Variants in ETV1 observed in about 807,000 individuals in gnomAD.
The protein encoded by ETV1 is ETS variant transcription factor 1.
A neutral mutation model predicts 62.3 loss-of-function variants in ETV1; 27 were observed. That is an observed-to-expected ratio of 0.43 (90% CI 0.32 to 0.60). The LOEUF is 0.60. Among genes scored for constraint, ETV1 ranks in the 20% least tolerant of loss-of-function variants. The pLI is 0.06. For missense variants in ETV1, 605 were observed against 605.8 expected, an observed-to-expected ratio of 1.00 and a Z score of 0.01; for synonymous variants, 222 against 199.6, an observed-to-expected ratio of 1.11 and a Z score of -0.94.
At chr7:13,939,953 C>T (rs73276816) in intron 6 of ETV1, among the ~76,000 whole-genome samples, 45,652 of 152,122 alleles carry the variant, frequency 0.3, 7,392 homozygotes, top group East Asian at 0.4. Flanking sequence ...ACTTAATGCA[C>T]AGTAATGCTT....
At chr7:13,962,285 T>C (rs1166618316) in intron 6 of ETV1, among the ~76,000 whole-genome samples, 30 of 151,686 alleles carry the variant, frequency 2.0e-4, no homozygotes, top group Admixed American at 1.9e-3. Context: ...AAGAGGAAAC[T>C]GAGGCACAAT....
At chr7:13,929,200 G>A (rs889732779) in intron 9 of ETV1, among the ~76,000 whole-genome samples, 1 of 152,138 alleles carries the variant, frequency 6.6e-6, no homozygotes, top group Admixed American at 6.6e-5. Flanking sequence ...CCACTGTATT[G>A]CAGGGTTCTT....
chr7:13,898,414 G>T (rs967355203), intron 13 of ETV1, among the ~76,000 whole-genome samples: 2 of 151,884 alleles, frequency 1.3e-5, no homozygotes, highest in African/African-American at 4.8e-5. Flanking sequence ...TAAAACAAAG[G>T]GTCTATAATT....
intron 9 of ETV1, among the ~76,000 whole-genome samples, chr7:13,925,436 A>G (rs1785296954): frequency 6.6e-6 from 1 of 152,222 alleles, no homozygotes; most frequent in African/African-American, 2.4e-5. Context: ...CTAAGGCAGT[A>G]CTAGACACAA....
intron 12 of ETV1, among the ~76,000 whole-genome samples, chr7:13,903,094 A>G (rs1484267859): frequency 6.6e-6 from 1 of 152,132 alleles, no homozygotes; most frequent in Non-Finnish European, 1.5e-5. Flanking sequence ...CGACCGACCA[A>G]TCGCCACCAT....
intron 6 of ETV1, among the ~76,000 whole-genome samples, chr7:13,942,310 A>C (rs1289675534): frequency 6.6e-6 from 1 of 152,020 alleles, no homozygotes; most frequent in Admixed American, 6.6e-5. Flanking sequence ...GGCATGAGCC[A>C]CCGTGCCCGG....
chr7:13,906,896 T>C (rs956473183), intron 11 of ETV1, among the ~76,000 whole-genome samples: 3 of 152,118 alleles, frequency 2.0e-5, no homozygotes, highest in Non-Finnish European at 2.9e-5. Flanking sequence ...TATCTTTTTT[T>C]TTAAATTGAT....
intron 9 of ETV1, among the ~76,000 whole-genome samples, chr7:13,919,038 C>T (rs960888456): frequency 1.3e-5 from 2 of 152,090 alleles, no homozygotes; most frequent in Non-Finnish European, 2.9e-5. Context: ...AAAGGACTAG[C>T]AGTCTTTGAA....
chr7:13,962,508 G>A (rs917211805), intron 6 of ETV1, among the ~76,000 whole-genome samples: 2 of 152,034 alleles, frequency 1.3e-5, no homozygotes, highest in Non-Finnish European at 2.9e-5. Flanking sequence ...CAGACAAGAC[G>A]CAAAATGTGA....
At chr7:13,982,129 C>A (rs1034645157) in intron 5 of ETV1, among the ~76,000 whole-genome samples, 1 of 151,990 alleles carries the variant, frequency 6.6e-6, no homozygotes, top group Non-Finnish European at 1.5e-5. Context: ...AAGTTTTAGT[C>A]GTTGTGTCAA....
At chr7:13,915,644 C>T (rs1051873711) in intron 9 of ETV1, among the ~76,000 whole-genome samples, 19 of 152,132 alleles carry the variant, frequency 1.2e-4, no homozygotes, top group African/African-American at 2.4e-4. Context: ...AAAGCCATCA[C>T]GTATATGCCA....
chr7:13,906,239 C>T (rs17735994), intron 12 of ETV1, 191 bp downstream of exon 12: 36,947 of 432,642 alleles, frequency 0.085, 1,715 homozygotes, highest in Middle Eastern at 0.14. Context: ...TGTATACAAC[C>T]GGAAGGAACA....
rs374017410 is a variant in ETV1, at chr7:13,931,542, C to T, written c.762G>A (p.Leu254=). Residue 254 remains leucine, a synonymous_variant, in exon 9 of 14, where the codon CTG becomes CTA. Coordinates refer to ENST00000430479, the MANE Select transcript of ETV1 (RefSeq NM_004956.5). ...AATCTCTGGGTTCCTGTTTAATCAT[C>T]AGAGGAGGGGGAAAGCTTTGGCTGG... is the stretch of plus-strand genomic sequence containing the variant. ...SAASQSFPPP[L]MIKQEPRDFA... The T allele has an allele frequency of 6.2e-7, 1 of 1,614,042 alleles. No homozygotes were observed. Among genetic ancestry groups the T allele is most frequent in the South Asian group, 1.1e-5 (1 of 91,088 alleles).
intron 12 of ETV1, among the ~76,000 whole-genome samples, chr7:13,905,271 C>A (rs17735921): frequency 1.3e-5 from 2 of 151,934 alleles, no homozygotes; most frequent in Non-Finnish European, 2.9e-5. Context: ...ACCCAGTAGT[C>A]AAGGGTGTGG....
intron 9 of ETV1, among the ~76,000 whole-genome samples, chr7:13,928,038 C>T (rs1366509280): frequency 6.6e-6 from 1 of 152,134 alleles, no homozygotes; most frequent in East Asian, 1.9e-4. Context: ...GCCATACATA[C>T]CTTCGACAAA....
chr7:13,990,364 C>T (rs1367996664), upstream of ETV1: 1 of 152,134 alleles, frequency 6.6e-6, no homozygotes, highest in Non-Finnish European at 1.5e-5. Flanking sequence ...GATGGGAGGA[C>T]AACAGAGCAA....
intron 9 of ETV1, among the ~76,000 whole-genome samples, chr7:13,927,697 T>C (rs1562628554): frequency 6.6e-6 from 1 of 152,316 alleles, no homozygotes; most frequent in East Asian, 1.9e-4. Context: ...GTATGACATA[T>C]ACATATGTGT....
At position 13,954,332 on chromosome 7, in the gene ETV1, A is replaced by G. The variant is rs114417903; in HGVS notation, c.236-15086T>C. ...ATTTAGAATTCATCTCACACGGATTAGCATGATCTAAACAATTCTTCAAAT... is the reference window on the plus strand; with the variant it reads ...ATTTAGAATTCATCTCACACGGATTGGCATGATCTAAACAATTCTTCAAAT... On this transcript the variant is annotated intron_variant, in intron 6 of 13. Coordinates refer to ENST00000430479, the MANE Select transcript of ETV1 (RefSeq NM_004956.5). Among the ~76,000 whole-genome samples, 779 of 152,330 alleles carry G rather than the reference A, an allele frequency of 5.1e-3. 5 individuals carry two copies. The highest frequency in any genetic ancestry group is 0.018 in the African/African-American group (732 of 41,566).
intron 9 of ETV1, among the ~76,000 whole-genome samples, chr7:13,912,470 C>G (rs1451725180): frequency 6.6e-6 from 1 of 151,974 alleles, no homozygotes; most frequent in Non-Finnish European, 1.5e-5. Flanking sequence ...TTAATAAATT[C>G]TAATCTATGA....
Sources: gnomAD v4.1 joint callset for allele counts (sites outside exome capture counted in the v4.1 genomes callset) on GRCh38, gnomAD v4.1.1 for gene constraint, MANE v1.5 for transcripts, NCBI Gene and HGNC (gene_info 2026-07-23, HGNC 2026-07-21) for gene names.